The following SNX19 variants were observed in gnomAD, a reference collection of about 807,000 sequenced individuals.
The protein encoded by SNX19 is sorting nexin-19.
A neutral mutation model predicts 85.2 loss-of-function variants in SNX19; 60 were observed. That is an observed-to-expected ratio of 0.70 (90% confidence interval 0.57 to 0.87). SNX19 has a LOEUF of 0.87. SNX19 is among the 40% of genes least tolerant of loss of function. The pLI is 0.00. For synonymous variants in SNX19, 520 were observed against 470.0 expected, an observed-to-expected ratio of 1.11 and a Z score of -1.38; for missense variants, 1,201 against 1,217.8, an observed-to-expected ratio of 0.99 and a Z score of 0.21.
In SNX19 at chr11:130,880,706, T is replaced by C. The variant is rs769982884; in HGVS notation, c.2674A>G (p.Lys892Glu). ...ESIWPGGVLP[K>E]FPRPVRTQEQ... The stretch of plus-strand genomic sequence containing the variant: ...TGGGTCCTTACGGGCCGTGGAAACT[T>C]AGGCAAAACTCCACCAGGCCAGATG... The change falls in exon 9 of 11, where the codon AAG becomes GAG. Residue 892 changes from lysine to glutamate, a missense_variant. Physicochemically the swap from Lys to Glu is moderately conservative, Grantham distance 56. Transcript: ENST00000265909. The C allele has an allele frequency of 1.9e-6, 3 of 1,612,406 alleles. No individual in the cohort carries two copies. The Admixed American group carries it at 5.0e-5, about 27-fold the overall frequency.
chr11:130,875,345 T>C lies in SNX19; in HGVS notation c.*3077A>G, dbSNP rs190117368. The C allele has an allele frequency of 1.3e-5, 2 of 152,344 alleles. No homozygotes were observed. Among genetic ancestry groups the C allele is most frequent in the African/African-American group, 4.8e-5 (2 of 41,548 alleles). The allele number at this position is 152,344 out of a possible 1,614,324, so 9.4% of individuals were successfully genotyped here. On this transcript the variant is annotated 3_prime_UTR_variant, in exon 11 of 11. Transcript: ENST00000265909. ...AAGTAGAACAGTGATTGCCAGAGGC[T>C]GGTGGGAGGGGAAACGAGGAGTGGC...
At chr11:130,897,247 T>G (rs573212008) in intron 8 of SNX19, among the ~76,000 whole-genome samples, 1 of 152,262 alleles carries the variant, frequency 6.6e-6, no homozygotes, top group South Asian at 2.1e-4. Context: ...TCTTCCTCTC[T>G]GGATACTTCC....
At chr11:130,886,787 G>C (rs1944112781) in intron 8 of SNX19, among the ~76,000 whole-genome samples, 1 of 152,070 alleles carries the variant, frequency 6.6e-6, no homozygotes, top group Non-Finnish European at 1.5e-5. Context: ...TCCTGCCATG[G>C]CCCCTTCTTG....
intron 1 of SNX19, among the ~76,000 whole-genome samples, chr11:130,913,633 A>G (rs1475557743): frequency 6.6e-6 from 1 of 152,202 alleles, no homozygotes; most frequent in Non-Finnish European, 1.5e-5. Context: ...GATCTTGTCC[A>G]AGAATTTTCT....
chr11:130,871,298 C>G lies in SNX19; in HGVS notation c.*7124G>C, dbSNP rs1943017753. Among the ~76,000 whole-genome samples the G allele has an allele frequency of 6.6e-6, 1 of 152,132 alleles. No homozygotes were observed. Among genetic ancestry groups the G allele is most frequent in the Non-Finnish European group, 1.5e-5 (1 of 68,028 alleles). On this transcript the variant is annotated 3_prime_UTR_variant, in exon 11 of 11. Coordinates refer to ENST00000265909, the MANE Select transcript of SNX19 (RefSeq NM_014758.3). ...ATGAGTCCTTAATGAAAGCTGCCCT[C>G]ACTATTCTTGAAAAAGCCACTTGCA...
rs562947013 is a variant in SNX19, at chr11:130,894,932, T to C, written c.2573+8323A>G. The C allele has an allele frequency of 3.2e-5, 32 of 985,454 alleles. 1 individual carries two copies. Among genetic ancestry groups the C allele is most frequent in the African/African-American group, 5.2e-5 (3 of 57,378 alleles). 61.0% of individuals were successfully genotyped at this position (985,454 alleles called of 1,614,324 possible). On this transcript the variant is annotated intron_variant, in intron 8 of 10. Coordinates refer to ENST00000265909, the MANE Select transcript of SNX19 (RefSeq NM_014758.3). ...AAGAACTTCATGCACTAGGCTATGA[T>C]TTCTATTTCGACAGTAACAGACAAA... is the stretch of plus-strand genomic sequence containing the variant.
Position 130,880,825 on chromosome 11 carries a change from G to T in SNX19, c.2574-19C>A. 6.5e-7 allele frequency: 1 copy of T among 1,530,022 alleles called. No individual in the cohort carries two copies. Among genetic ancestry groups the T allele is most frequent in the South Asian group, 1.3e-5 (1 of 78,024 alleles). 94.8% of individuals were successfully genotyped at this position (1,530,022 alleles called of 1,614,324 possible). A position where few individuals can be genotyped will look rare whatever the true frequency, so the allele number is the denominator to read the frequency against. Reference sequence around the variant, plus strand: ...TAGCCACCTGTGGTAGAAGAGAGACGAAAGCTTAGATAAAGCTGAAGGAAA... The same window carrying T: ...TAGCCACCTGTGGTAGAAGAGAGACTAAAGCTTAGATAAAGCTGAAGGAAA... On this transcript the variant is annotated intron_variant, in intron 8 of 10. Transcript: ENST00000265909.
chr11:130,901,502 C>G (rs1945256146), intron 8 of SNX19, among the ~76,000 whole-genome samples: 1 of 152,034 alleles, frequency 6.6e-6, no homozygotes, highest in African/African-American at 2.4e-5. Flanking sequence ...AGGGAAATAA[C>G]AGGTAGAGAA....
intron 4 of SNX19, 188 bp from the exon 5 acceptor site, chr11:130,908,271 C>A: frequency 2.0e-6 from 1 of 491,480 alleles, no homozygotes; most frequent in Non-Finnish European, 3.3e-6. Context: ...TTCCTTTTTT[C>A]CATGGCCATA....
Position 130,916,365 on chromosome 11 carries a change from C to T in SNX19, c.-426G>A, listed in dbSNP as rs1270648096. 5.9e-6 allele frequency: 1 copy of T among 170,554 alleles called. No individual in the cohort carries two copies. Among genetic ancestry groups the T allele is most frequent in the African/African-American group, 2.4e-5 (1 of 41,892 alleles). 10.6% of individuals were successfully genotyped at this position (170,554 alleles called of 1,614,324 possible). On this transcript the variant is annotated 5_prime_UTR_variant, in exon 1 of 11. Transcript: ENST00000265909. Reference sequence around the variant, plus strand: ...ACACTCAGCCCCGACCTGAAGTGGACTCATCGCGGTCCTCTCCGGGAGCCT... The same window carrying T: ...ACACTCAGCCCCGACCTGAAGTGGATTCATCGCGGTCCTCTCCGGGAGCCT...
At chr11:130,907,183 C>A (rs1329455051) in intron 5 of SNX19, among the ~76,000 whole-genome samples, 2 of 152,162 alleles carry the variant, frequency 1.3e-5, no homozygotes, top group East Asian at 3.8e-4. Context: ...AAAGGAACTG[C>A]AAGTGATAAC....
rs1476499662 is a variant in SNX19 at position 130,867,636 on chromosome 11, T to G, written c.*10786A>C. 2.0e-5 allele frequency: 3 copies of G among 152,238 alleles called. No individual in the cohort carries two copies. The highest frequency in any genetic ancestry group is 2.9e-5 in the Non-Finnish European group (2 of 68,040). 9.4% of individuals were successfully genotyped at this position (152,238 alleles called of 1,614,324 possible). ...CGGGTTTCTTTCCTTTCTTCCTTCC[T>G]TAAATTGAGACCCAAATGAGGTGGA... On this transcript the variant is annotated 3_prime_UTR_variant, in exon 11 of 11. Coordinates refer to ENST00000265909, the MANE Select transcript of SNX19 (RefSeq NM_014758.3).
intron 7 of SNX19, among the ~76,000 whole-genome samples, chr11:130,904,418 C>T (rs1020634654): frequency 6.6e-6 from 1 of 152,212 alleles, no homozygotes; most frequent in African/African-American, 2.4e-5. Flanking sequence ...ATCATACTTC[C>T]CTCTTAACCC....
rs1418811403 is a variant in SNX19, at chr11:130,872,136, TCAAGCTGTTGAAGAGAC to T, written c.*6269_*6285del. 1.3e-5 allele frequency among the ~76,000 whole-genome samples: 2 copies of T among 152,148 alleles called. No homozygotes were observed. The highest frequency in any genetic ancestry group is 6.6e-5 in the Admixed American group (1 of 15,262). ...AGACAGGTGGAAAAACCAGGTTTCA[TCAAGCTGTTGAAGAGAC>T]ATCAAAGCCAGGAGTAATTCTCTGC... On this transcript the variant is annotated 3_prime_UTR_variant, in exon 11 of 11. Transcript: ENST00000265909.
At position 130,888,099 on chromosome 11, in the gene SNX19, C is replaced by CA. The variant is rs199735794; in HGVS notation, c.2574-7294dup. On this transcript the variant is annotated intron_variant, in intron 8 of 10. Transcript: ENST00000265909. ...ATCCTAAGTCCACACAGGTACATTACAAAAAAAAAAAAAATCGTGTGCCCC... is the reference window on the plus strand; with the variant it reads ...ATCCTAAGTCCACACAGGTACATTACAAAAAAAAAAAAAAATCGTGTGCCCC... Among the ~76,000 whole-genome samples the CA allele has an allele frequency of 9.7e-4, 138 of 142,458 alleles. No individual in the cohort carries two copies. The Middle Eastern group carries it at 0.015, about 16-fold the overall frequency. 93.5% of individuals were successfully genotyped at this position (142,458 alleles called of 152,430 possible). A position where few individuals can be genotyped will look rare whatever the true frequency, so the allele number is the denominator to read the frequency against.
chr11:130,866,996 A>T lies in SNX19; in HGVS notation c.*11426T>A, dbSNP rs552071130. Reference sequence around the variant, plus strand: ...CTTATGAGCATTTAATGGACAAGGAAACTAAGCCACAGAGGTGTGAAATCC... The same window carrying T: ...CTTATGAGCATTTAATGGACAAGGATACTAAGCCACAGAGGTGTGAAATCC... On this transcript the variant is annotated 3_prime_UTR_variant, in exon 11 of 11. Transcript: ENST00000265909. 2.0e-4 allele frequency: 31 copies of T among 152,276 alleles called. No individual in the cohort carries two copies. Among genetic ancestry groups the T allele is most frequent in the African/African-American group, 7.5e-4 (31 of 41,508 alleles). The allele number at this position is 152,276 out of a possible 1,614,324, so 9.4% of individuals were successfully genotyped here. A position where few individuals can be genotyped will look rare whatever the true frequency, so the allele number is the denominator to read the frequency against.
chr11:130,891,720 A>T (rs10750451), intron 8 of SNX19, among the ~76,000 whole-genome samples: 90,951 of 151,968 alleles, frequency 0.6, 27,654 homozygotes, highest in South Asian at 0.73. Flanking sequence ...AAATGTAGAA[A>T]GAGAAAAAGA....
chr11:130,915,528 AC>A lies in SNX19; in HGVS notation c.411del (p.Leu138TrpfsTer9). 3 of 1,614,152 alleles carry A rather than the reference AC, an allele frequency of 1.9e-6. No homozygotes were observed. Among genetic ancestry groups the A allele is most frequent in the Non-Finnish European group, 2.5e-6 (3 of 1,180,012 alleles). On this transcript the variant is annotated frameshift_variant, in exon 1 of 11. Coordinates refer to ENST00000265909, the MANE Select transcript of SNX19 (RefSeq NM_014758.3). LOFTEE classifies it high-confidence loss of function. ...ATCCTTCTCCGAAGCTCCTGGACCA[AC>A]CCTTTCATGGCTGCCTCCATTTCTT... The part of the protein sequence containing the change: ...FEEEMEAAMK[G>X]LVQELRRRMS...
At position 130,903,266 on chromosome 11, in the gene SNX19, G is replaced by A. The variant is rs1193933431; in HGVS notation, c.2562C>T (p.Thr854=). 8 of 1,613,458 alleles carry A rather than the reference G, an allele frequency of 5.0e-6. No homozygotes were observed. The highest frequency in any genetic ancestry group is 1.3e-5 in the African/African-American group (1 of 74,860). Reference sequence around the variant, plus strand: ...TTCAGCAGTCTTACCTTTGAACTAGGGTCCCAAAGATAAGACGAAGAAACT... The same window carrying A: ...TTCAGCAGTCTTACCTTTGAACTAGAGTCCCAAAGATAAGACGAAGAAACT... ...MQKFLRLIFG[T]LVQRWLEVQV... The change falls in exon 8 of 11, where the codon ACC becomes ACT. Residue 854 remains threonine (T), a synonymous_variant. Coordinates refer to ENST00000265909, the MANE Select transcript of SNX19 (RefSeq NM_014758.3).
Sources: gnomAD v4.1 joint callset for allele counts (sites outside exome capture counted in the v4.1 genomes callset) on GRCh38, gnomAD v4.1.1 for gene constraint, MANE v1.5 for transcripts, NCBI Gene and HGNC (gene_info 2026-07-23, HGNC 2026-07-21) for gene names.